Variants in GIGYF2 observed in about 807,000 individuals in gnomAD.
The protein encoded by GIGYF2 is GRB10 interacting GYF protein 2, also known as GRB10-interacting GYF protein 2.
GIGYF2 carries 25 observed loss-of-function variants against 208.1 expected under a neutral mutation model. That is an observed-to-expected ratio of 0.12 (90% CI 0.09 to 0.17). GIGYF2 has a LOEUF of 0.17. GIGYF2 is among the 10% of genes least tolerant of loss of function. The probability of loss-of-function intolerance (pLI) is 1.00; values close to 1 mark genes in which losing one functional copy is unlikely to be tolerated. For synonymous variants in GIGYF2, 534 were observed against 543.8 expected (o/e 0.98, Z 0.25); for missense variants, 1,302 against 1,579.4 (o/e 0.82, Z 2.98).
chr2:232,759,679 T>G (rs1184256936), intron 6 of GIGYF2, among the ~76,000 whole-genome samples: 1 of 152,150 alleles, frequency 6.6e-6, no homozygotes, highest in African/African-American at 2.4e-5. Context: ...ATTTCTAGTT[T>G]TTTTTTTTAA....
intron 28 of GIGYF2, among the ~76,000 whole-genome samples, chr2:232,852,135 G>A (rs1468895443): frequency 6.6e-6 from 1 of 152,192 alleles, no homozygotes; most frequent in Non-Finnish European, 1.5e-5. Context: ...CGCACAGTGA[G>A]AGGCAGGTGG....
chr2:232,779,486 A>G (rs1284956463), intron 8 of GIGYF2, among the ~76,000 whole-genome samples: 1 of 152,208 alleles, frequency 6.6e-6, no homozygotes, highest in East Asian at 1.9e-4. Context: ...GTAATCTCAC[A>G]GCTTTAAAAC....
At chr2:232,713,742 C>T (rs554787569) in intron 2 of GIGYF2, among the ~76,000 whole-genome samples, 1 of 152,066 alleles carries the variant, frequency 6.6e-6, no homozygotes, top group Non-Finnish European at 1.5e-5. Flanking sequence ...TGTAGAATGA[C>T]TCTCTTTTAG....
chr2:232,781,287 T>TACACACACACACACAC lies in GIGYF2; in HGVS notation c.533-5843_533-5828dup, dbSNP rs3062047. Among the ~76,000 whole-genome samples the TACACACACACACACAC allele has an allele frequency of 9.3e-3, 1,182 of 127,092 alleles. 12 individuals are homozygous for TACACACACACACACAC. The highest frequency in any genetic ancestry group is 0.013 in the African/African-American group (410 of 31,962). The allele number at this position is 127,092 out of a possible 152,430, so 83.4% of individuals were successfully genotyped here. Reference sequence around the variant, plus strand: ...TATTTATTTTAAATTATATCAGGAATACACACACACACACACACACACACA... The same window carrying TACACACACACACACAC: ...TATTTATTTTAAATTATATCAGGAATACACACACACACACACACACACACACACACACACACACACA... On this transcript the variant is annotated intron_variant, in intron 8 of 28. Coordinates refer to ENST00000373563, the MANE Select transcript of GIGYF2 (RefSeq NM_001103146.3).
In GIGYF2 at chr2:232,819,916, T is replaced by C. The variant is rs755056092; in HGVS notation, c.2460T>C (p.Leu820=). ...AAAGACAGCAGCAAGAAGAAGCTCT[T>C]AGAAGACTGGAAGAGAGGAGAAGAG... The part of the protein sequence containing the change: ...EEERQQQEEA[L]RRLEERRREE... Residue 820 remains leucine (L), a synonymous_variant, in exon 21 of 29, where the codon CTT becomes CTC. Coordinates refer to ENST00000373563, the MANE Select transcript of GIGYF2 (RefSeq NM_001103146.3). The C allele has an allele frequency of 4.4e-6, 7 of 1,580,910 alleles. No individual in the cohort carries two copies. The Admixed American group carries it at 1.0e-4, about 23-fold the overall frequency.
chr2:232,788,871 TG>T (rs11317879), intron 9 of GIGYF2, among the ~76,000 whole-genome samples: 6,751 of 152,166 alleles, frequency 0.044, 194 homozygotes, highest in Non-Finnish European at 0.065. Context: ...AAAGACAGTT[TG>T]GGGGATATAA....
chr2:232,837,037 C>T (rs997679644), intron 22 of GIGYF2, among the ~76,000 whole-genome samples: 4 of 152,198 alleles, frequency 2.6e-5, no homozygotes, highest in African/African-American at 9.7e-5. Context: ...TCTTGGCTTG[C>T]CTCTCCTGAT....
rs897267952 is a variant in GIGYF2 at position 232,794,815 on chromosome 2, A to G, written c.1350A>G (p.Ile450Met). ...CAGATACAGCCTCTCCTCTTCTCAT[A>G]CTTCCACCTCCTGTTCCCAATCCTA... ...IPSDTASPLL[I>M]LPPPVPNPSP... Residue 450 changes from isoleucine (I) to methionine (M), a missense_variant, in exon 13 of 29, where the codon ATA becomes ATG. Around this residue, in one of 8 missense-constraint regions of GIGYF2, gnomAD observed 235 missense variants for 218.8 expected, o/e 1.07. Transcript: ENST00000373563. 6.2e-7 allele frequency: 1 copy of G among 1,613,694 alleles called. No homozygotes were observed. Among genetic ancestry groups the G allele is most frequent in the South Asian group, 1.1e-5 (1 of 91,062 alleles).
At chr2:232,713,460 G>T (rs1275892884) in intron 2 of GIGYF2, among the ~76,000 whole-genome samples, 1 of 152,204 alleles carries the variant, frequency 6.6e-6, no homozygotes, top group Non-Finnish European at 1.5e-5. Flanking sequence ...AAATTGAGAA[G>T]ATAGTGCGGA....
chr2:232,815,915 A>T (rs1359634372), intron 19 of GIGYF2, 178 bp downstream of exon 19: 2 of 589,018 alleles, frequency 3.4e-6, no homozygotes, highest in East Asian at 2.9e-5. Flanking sequence ...AAAAAAAAAA[A>T]CTCAAAACAG....
In GIGYF2 at chr2:232,860,155, G is replaced by A. The variant is rs1690720062; in HGVS notation, c.*3295G>A. 1 of 152,010 alleles carries A rather than the reference G, an allele frequency of 6.6e-6. No individual in the cohort carries two copies. The highest frequency in any genetic ancestry group is 1.5e-5 in the Non-Finnish European group (1 of 68,004). 9.4% of individuals were successfully genotyped at this position (152,010 alleles called of 1,614,324 possible). On this transcript the variant is annotated 3_prime_UTR_variant, in exon 29 of 29. Coordinates refer to ENST00000373563, the MANE Select transcript of GIGYF2 (RefSeq NM_001103146.3). ...TTTATTTTCATTGGCTTTAAGTTGA[G>A]GGTTTTTGTTTTTGTTTTTGTATTG...
rs1228321723 is a variant in GIGYF2, at chr2:232,826,737, A to G, written c.2530-6120A>G. ...TGGGCAAAGGATATGATTGACTCCA[A>G]TTTTGAAAGAAGTTCTACCCTAGAT... On this transcript the variant is annotated intron_variant, in intron 21 of 28. Transcript: ENST00000373563. Among the ~76,000 whole-genome samples, 4 of 152,344 alleles carry G rather than the reference A, an allele frequency of 2.6e-5. No individual in the cohort carries two copies. In the South Asian group the frequency reaches 8.3e-4, roughly 32 times the overall value.
intron 3 of GIGYF2, chr2:232,735,823 G>A (rs1347368896): frequency 2.0e-6 from 2 of 985,346 alleles, no homozygotes; most frequent in Non-Finnish European, 2.4e-6. Flanking sequence ...ACATTGTAGT[G>A]TGGCTTCCCC....
At chr2:232,728,383 A>G (rs530381951) in intron 2 of GIGYF2, among the ~76,000 whole-genome samples, 1 of 152,330 alleles carries the variant, frequency 6.6e-6, no homozygotes, top group African/African-American at 2.4e-5. Flanking sequence ...GCAAATAAGA[A>G]CTTTTGTTAG....
rs757211160 is a variant in GIGYF2, at chr2:232,791,001, T to C, written c.931-7T>C. The C allele has an allele frequency of 1.2e-6, 2 of 1,614,004 alleles. No individual in the cohort carries two copies. The highest frequency in any genetic ancestry group is 2.2e-5 in the East Asian group (1 of 44,870). On this transcript the variant is annotated splice_region_variant and splice_polypyrimidine_tract_variant and intron_variant, in intron 10 of 28. Coordinates refer to ENST00000373563, the MANE Select transcript of GIGYF2 (RefSeq NM_001103146.3). ...TGTTGATCTTTGGTTTTATTCTCTTTCTACAGAAAGTACAGAAAGAGCCTA... is the reference window on the plus strand; with the variant it reads ...TGTTGATCTTTGGTTTTATTCTCTTCCTACAGAAAGTACAGAAAGAGCCTA...
chr2:232,828,604 C>T (rs996161172), intron 21 of GIGYF2: 11 of 151,992 alleles, frequency 7.2e-5, no homozygotes, highest in Admixed American at 5.9e-4. Context: ...AAGCATATAC[C>T]ACCATGCATG....
At chr2:232,761,647 TATTA>T in intron 8 of GIGYF2, 1 of 398,770 alleles carries the variant, frequency 2.5e-6, no homozygotes, top group Admixed American at 4.1e-5. Context: ...ATATATTCTT[TATTA>T]AGGCCAATTT....
chr2:232,844,204 G>A lies in GIGYF2; in HGVS notation c.3048G>A (p.Gln1016=). The A allele has an allele frequency of 6.4e-7, 1 of 1,560,822 alleles. No homozygotes were observed. Among genetic ancestry groups the A allele is most frequent in the African/African-American group, 1.4e-5 (1 of 73,404 alleles). Residue 1016 remains glutamine, a synonymous_variant, in exon 24 of 29, where the codon CAG becomes CAA. Transcript: ENST00000373563. Reference sequence around the variant, plus strand: ...AAGAGGCCAGGCAAATGCAAAAGCAGCAGCAGCAGCAGCAGCAACACCAGC... The same window carrying A: ...AAGAGGCCAGGCAAATGCAAAAGCAACAGCAGCAGCAGCAGCAACACCAGC... The part of the protein sequence containing the change: ...QQEEARQMQK[Q]QQQQQQHQQP...
chr2:232,781,287 T>TACACACACACACACACACACAC lies in GIGYF2; in HGVS notation c.533-5849_533-5828dup, dbSNP rs3062047. On this transcript the variant is annotated intron_variant, in intron 8 of 28. Coordinates refer to ENST00000373563, the MANE Select transcript of GIGYF2 (RefSeq NM_001103146.3). ...TATTTATTTTAAATTATATCAGGAA[T>TACACACACACACACACACACAC]ACACACACACACACACACACACACA... is the stretch of plus-strand genomic sequence containing the variant. Among the ~76,000 whole-genome samples the TACACACACACACACACACACAC allele has an allele frequency of 5.0e-4, 64 of 127,118 alleles. 1 individual carries two copies. The highest frequency in any genetic ancestry group is 1.0e-3 in the African/African-American group (32 of 31,974). 83.4% of individuals were successfully genotyped at this position (127,118 alleles called of 152,430 possible).
Sources: allele counts gnomAD v4.1 joint callset (sites outside exome capture counted in the v4.1 genomes callset), GRCh38; gene constraint gnomAD v4.1.1; regional missense constraint gnomAD v4.1.1; transcripts MANE v1.5; gene names NCBI Gene and HGNC (gene_info 2026-07-23, HGNC 2026-07-21).